The following PTPA variants were observed in gnomAD, a reference collection of about 807,000 sequenced individuals.
PTPA encodes the protein protein phosphatase 2 phosphatase activator.
PTPA carries 13 observed loss-of-function variants against 43.6 expected under a neutral mutation model. The observed-to-expected ratio is 0.30, with a 90% CI of 0.19 to 0.47. The LOEUF (loss-of-function observed/expected upper bound fraction) is 0.47. Among genes scored for constraint, PTPA ranks in the 20% least tolerant of loss-of-function variants. PTPA has a pLI of 0.99. For synonymous variants in PTPA, 172 were observed against 158.2 expected (o/e 1.09, Z -0.66); for missense variants, 329 against 411.9 (o/e 0.80, Z 1.74).
chr9:129,144,336 T>G (rs1431497013), intron 9 of PTPA, among the ~76,000 whole-genome samples: 2 of 151,634 alleles, frequency 1.3e-5, no homozygotes, highest in African/African-American at 4.9e-5. Context: ...ATGGGGGAGC[T>G]CTCTAGTAAT....
intron 9 of PTPA, among the ~76,000 whole-genome samples, chr9:129,145,571 T>G (rs1404618842): frequency 6.6e-6 from 1 of 152,080 alleles, no homozygotes; most frequent in Non-Finnish European, 1.5e-5. Context: ...CAGTCAGAAC[T>G]GGTTGATTGA....
chr9:129,117,257 G>T (rs1327563030), intron 1 of PTPA, among the ~76,000 whole-genome samples: 2 of 152,062 alleles, frequency 1.3e-5, no homozygotes, highest in African/African-American at 4.8e-5. Flanking sequence ...ATGTGGTCCA[G>T]GCTGGTTTCA....
chr9:129,148,931 T>C lies in PTPA; in HGVS notation c.*1467T>C, dbSNP rs1333748143. 1 of 152,322 alleles carries C rather than the reference T, an allele frequency of 6.6e-6. No homozygotes were observed. The highest frequency in any genetic ancestry group is 2.4e-5 in the African/African-American group (1 of 41,466). 9.4% of individuals were successfully genotyped at this position (152,322 alleles called of 1,614,324 possible). ...TCATTGCTGTTCAGATTAAAGCCTC[T>C]GTTTTGCACCTGTCACTTGTGTGAG... On this transcript the variant is annotated 3_prime_UTR_variant, in exon 10 of 10. Coordinates refer to ENST00000393370, the MANE Select transcript of PTPA (RefSeq NM_178000.3).
At chr9:129,139,714 T>A (rs1186398395) in intron 8 of PTPA, 6 of 152,154 alleles carry the variant, frequency 3.9e-5, no homozygotes, top group Non-Finnish European at 7.4e-5. Flanking sequence ...ACGCCTTGCT[T>A]GGGAAGGAGG....
intron 9 of PTPA, 108 bp downstream of exon 9, chr9:129,142,660 C>A (rs754902885): frequency 9.0e-6 from 14 of 1,553,734 alleles, no homozygotes; most frequent in Middle Eastern, 1.7e-4. Flanking sequence ...TCCTACCCCA[C>A]TGTTTTGCTC....
At chr9:129,118,835 A>G (rs1249855005) in intron 1 of PTPA, among the ~76,000 whole-genome samples, 2 of 146,246 alleles carry the variant, frequency 1.4e-5, no homozygotes, top group Non-Finnish European at 1.5e-5. Flanking sequence ...TTTTTGATGC[A>G]TTAAACACCT....
chr9:129,138,348 C>T (rs1295674550), intron 8 of PTPA, among the ~76,000 whole-genome samples: 3 of 152,174 alleles, frequency 2.0e-5, no homozygotes, highest in Non-Finnish European at 2.9e-5. Context: ...TTTGTTAAAA[C>T]GCACATTCCT....
intron 3 of PTPA, among the ~76,000 whole-genome samples, chr9:129,126,346 G>A (rs886635987): frequency 1.3e-5 from 2 of 151,692 alleles, no homozygotes; most frequent in African/African-American, 4.8e-5. Flanking sequence ...ATGTCCATCT[G>A]ATTTTGTATT....
intron 9 of PTPA, among the ~76,000 whole-genome samples, chr9:129,146,851 C>G (rs1047184487): frequency 3.9e-5 from 6 of 152,250 alleles, no homozygotes; most frequent in Admixed American, 2.0e-4. Flanking sequence ...CCCTGCCCCC[C>G]ACACAGGCTG....
intron 1 of PTPA, 88 bp from the exon 2 acceptor site, chr9:129,120,425 A>G: frequency 1.6e-6 from 1 of 637,194 alleles, no homozygotes; most frequent in Non-Finnish European, 2.2e-6. Flanking sequence ...ACTCCGTCTC[A>G]AGAAAAAAAA....
chr9:129,110,970 A>G (rs765252742), upstream of PTPA: 7 of 1,370,402 alleles, frequency 5.1e-6, no homozygotes, highest in African/African-American at 1.5e-5. The surrounding 1 kb of genome is among the most constrained non-coding windows in gnomAD (Gnocchi z 5.3). Flanking sequence ...GTGGAGGAGG[A>G]AGGAGGAGGT....
chr9:129,112,946 C>CCAA (rs1554728890), intron 1 of PTPA, among the ~76,000 whole-genome samples: 3 of 145,906 alleles, frequency 2.1e-5, no homozygotes, highest in Non-Finnish European at 1.5e-5. Flanking sequence ...CGTCACCCCC[C>CCAA]AAAAAAAAAA....
rs1429309195 is a variant in PTPA at position 129,129,115 on chromosome 9, G to T, written c.342+5G>T. The T allele has an allele frequency of 6.2e-7, 1 of 1,612,138 alleles. No homozygotes were observed. The highest frequency in any genetic ancestry group is 8.5e-7 in the Non-Finnish European group (1 of 1,179,914). Reference sequence around the variant, plus strand: ...TGGTATGCCAAACTTGATGAGGTGAGGCTGCCACAGGACAGGCCAGGGACT... The same window carrying T: ...TGGTATGCCAAACTTGATGAGGTGATGCTGCCACAGGACAGGCCAGGGACT... On this transcript the variant is annotated splice_donor_5th_base_variant and intron_variant, in intron 4 of 9. Coordinates refer to ENST00000393370, the MANE Select transcript of PTPA (RefSeq NM_178000.3).
At chr9:129,138,776 G>A (rs965057249) in intron 8 of PTPA, among the ~76,000 whole-genome samples, 1 of 152,202 alleles carries the variant, frequency 6.6e-6, no homozygotes, top group Admixed American at 6.5e-5. Flanking sequence ...TCAACATTCG[G>A]CTCAGGCTTC....
At chr9:129,124,634 C>T (rs914821602) in intron 3 of PTPA, among the ~76,000 whole-genome samples, 2 of 152,190 alleles carry the variant, frequency 1.3e-5, no homozygotes, top group African/African-American at 4.8e-5. Flanking sequence ...GCCTTACTGG[C>T]TGTTTGCTTT....
chr9:129,111,756 C>A, intron 1 of PTPA, 125 bp downstream of exon 1: 1 of 1,225,826 alleles, frequency 8.2e-7, no homozygotes, highest in Non-Finnish European at 1.0e-6. Flanking sequence ...TGAGGGGCCC[C>A]GAGGAGGGAC....
At chr9:129,137,069 G>A (rs1178566913) in intron 7 of PTPA, among the ~76,000 whole-genome samples, 3 of 152,232 alleles carry the variant, frequency 2.0e-5, no homozygotes, top group African/African-American at 7.2e-5. Context: ...AGAGAGGCCT[G>A]CTCTGGTGAC....
At chr9:129,122,082 C>T (rs79589780) in intron 2 of PTPA, among the ~76,000 whole-genome samples, 1,682 of 152,000 alleles carry the variant, frequency 0.011, 26 homozygotes, top group African/African-American at 0.038. Context: ...CAGCAACTGC[C>T]TCTCTAGGGG....
At chr9:129,111,906 C>T (rs1405534314) in intron 1 of PTPA, 2 of 759,708 alleles carry the variant, frequency 2.6e-6, no homozygotes, top group Non-Finnish European at 3.6e-6. Context: ...GTGGGCAGCG[C>T]CGTGGTCATA....
Sources: allele counts gnomAD v4.1 joint callset (sites outside exome capture counted in the v4.1 genomes callset), GRCh38; gene constraint gnomAD v4.1.1; non-coding constraint Gnocchi (gnomAD v3.1); transcripts MANE v1.5; gene names NCBI Gene and HGNC (gene_info 2026-07-23, HGNC 2026-07-21).